The following NOL4 variants were observed in gnomAD, a reference collection of about 807,000 sequenced individuals.
The protein encoded by NOL4 is cancer/testis antigen 125.
A neutral mutation model predicts 75.9 loss-of-function variants in NOL4; 17 were observed. The ratio of observed to expected loss-of-function variants is 0.22; its 90% CI spans 0.15 to 0.34. The LOEUF is 0.34. Ranked by LOEUF, NOL4 falls within the 10% of genes least tolerant of loss-of-function variation. The probability of loss-of-function intolerance (pLI) is 1.00; values close to 1 mark genes in which losing one functional copy is unlikely to be tolerated. For missense variants in NOL4, 614 were observed against 793.5 expected, an observed-to-expected ratio of 0.77 and a Z score of 2.72; for synonymous variants, 292 against 289.9, an observed-to-expected ratio of 1.01 and a Z score of -0.07.
intron 1 of NOL4, among the ~76,000 whole-genome samples, chr18:34,192,766 T>G (rs2035015952): frequency 6.6e-6 from 1 of 152,030 alleles, no homozygotes; most frequent in Admixed American, 6.6e-5. Flanking sequence ...TGTTGAGAGG[T>G]GGGGCTTTTC....
Position 34,187,043 on chromosome 18 carries a change from C to T in NOL4, c.264+35947G>A, listed in dbSNP as rs537953001. Among the ~76,000 whole-genome samples the T allele has an allele frequency of 5.8e-4, 88 of 152,190 alleles. 1 individual carries two copies. The highest frequency in any genetic ancestry group is 6.8e-3 in the Middle Eastern group (2 of 294). Reference sequence around the variant, plus strand: ...AATCTACCTTGGCAATCATTATCACCCAGAGTGGACTTATAGTTTACATTA... The same window carrying T: ...AATCTACCTTGGCAATCATTATCACTCAGAGTGGACTTATAGTTTACATTA... On this transcript the variant is annotated intron_variant, in intron 1 of 10. Coordinates refer to ENST00000261592, the MANE Select transcript of NOL4 (RefSeq NM_003787.5).
intron 9 of NOL4, among the ~76,000 whole-genome samples, chr18:33,902,874 C>T (rs1297782213): frequency 1.3e-5 from 2 of 152,090 alleles, no homozygotes; most frequent in Non-Finnish European, 2.9e-5. Context: ...ATTTAAAAGG[C>T]TTAAAATTTC....
chr18:34,185,182 T>C (rs1329560859), intron 1 of NOL4, among the ~76,000 whole-genome samples: 1 of 152,174 alleles, frequency 6.6e-6, no homozygotes, highest in African/African-American at 2.4e-5. Flanking sequence ...CTGAAAACTG[T>C]CAATTGTGAA....
chr18:33,959,470 C>A (rs2145752016), intron 6 of NOL4, among the ~76,000 whole-genome samples: 1 of 152,134 alleles, frequency 6.6e-6, no homozygotes, highest in East Asian at 1.9e-4. Context: ...CTTGAATCAG[C>A]CATGTACAGC....
intron 1 of NOL4, among the ~76,000 whole-genome samples, chr18:34,206,713 A>T (rs1399669902): frequency 6.6e-6 from 1 of 151,946 alleles, no homozygotes; most frequent in Non-Finnish European, 1.5e-5. Flanking sequence ...TTTTTCTTTG[A>T]GTTTATCTTG....
intron 6 of NOL4, among the ~76,000 whole-genome samples, chr18:33,998,268 T>C (rs542769421): frequency 2.0e-5 from 3 of 152,144 alleles, no homozygotes; most frequent in African/African-American, 7.2e-5. Flanking sequence ...GTGAATTGCA[T>C]GGTATATGAA....
intron 2 of NOL4, among the ~76,000 whole-genome samples, chr18:34,126,266 T>C (rs117623970): frequency 0.026 from 3,924 of 152,234 alleles, 58 homozygotes; most frequent in African/African-American, 0.032. Context: ...GTAAATAATT[T>C]GCCAAAAGTG....
chr18:33,985,159 A>T (rs924285572), intron 6 of NOL4, among the ~76,000 whole-genome samples: 1 of 152,174 alleles, frequency 6.6e-6, no homozygotes, highest in Non-Finnish European at 1.5e-5. Context: ...AATGAGTAAC[A>T]TTAACTATTT....
chr18:33,999,846 G>A (rs755824183), intron 6 of NOL4, among the ~76,000 whole-genome samples: 1 of 152,012 alleles, frequency 6.6e-6, no homozygotes, highest in Non-Finnish European at 1.5e-5. Flanking sequence ...TAGAGATGGG[G>A]TTTCACCATG....
At chr18:33,882,655 T>C (rs935677327) in intron 10 of NOL4, among the ~76,000 whole-genome samples, 7 of 151,032 alleles carry the variant, frequency 4.6e-5, no homozygotes, top group African/African-American at 1.7e-4. Context: ...TGGCGATTCC[T>C]CAGGGATCTA....
chr18:34,189,273 T>C (rs781159071), intron 1 of NOL4, among the ~76,000 whole-genome samples: 8 of 152,238 alleles, frequency 5.3e-5, no homozygotes, highest in Middle Eastern at 3.4e-3. Flanking sequence ...CCTGATCTCA[T>C]AGAAACTCTT....
intron 1 of NOL4, among the ~76,000 whole-genome samples, chr18:34,216,678 G>A (rs1266859921): frequency 6.7e-6 from 1 of 150,024 alleles, no homozygotes; most frequent in Non-Finnish European, 1.5e-5. Flanking sequence ...ATGTAAACCA[G>A]GATCTAAGAA....
At chr18:34,083,087 G>GCTCT (rs5823936) in intron 5 of NOL4, among the ~76,000 whole-genome samples, 45,640 of 151,352 alleles carry the variant, frequency 0.3, 7,889 homozygotes, top group East Asian at 0.44. Context: ...GCTAAATTTT[G>GCTCT]CTCTCTCTCT....
chr18:33,908,757 T>C (rs976828369), intron 9 of NOL4, among the ~76,000 whole-genome samples: 3 of 152,162 alleles, frequency 2.0e-5, no homozygotes, highest in Non-Finnish European at 4.4e-5. Context: ...GGAACACGCA[T>C]AGATAACATG....
At chr18:34,131,979 A>G (rs890826858) in intron 1 of NOL4, among the ~76,000 whole-genome samples, 1 of 152,194 alleles carries the variant, frequency 6.6e-6, no homozygotes, top group African/African-American at 2.4e-5. Flanking sequence ...CAAAAAGAGT[A>G]CTTTATTTTC....
chr18:33,926,251 T>C (rs1007612574), intron 9 of NOL4, among the ~76,000 whole-genome samples: 34 of 150,394 alleles, frequency 2.3e-4, no homozygotes, highest in African/African-American at 7.3e-4. Context: ...TCCCAGCTAC[T>C]TGGGAGGCTG....
In NOL4 at chr18:33,868,649, TCACACACACACACACA is replaced by T. The variant is rs10669407; in HGVS notation, c.1723+14579_1723+14594del. On this transcript the variant is annotated intron_variant, in intron 10 of 10. Transcript: ENST00000261592. ...ATGAAATATTTTAAATTCCTGTATT[TCACACACACACACACA>T]CACACACACACACACACACACACAC... Among the ~76,000 whole-genome samples the T allele has an allele frequency of 1.3e-4, 18 of 137,960 alleles. No individual in the cohort carries two copies. In the South Asian group the frequency reaches 2.5e-3, roughly 19 times the overall value. 90.5% of individuals were successfully genotyped at this position (137,960 alleles called of 152,430 possible).
At chr18:33,884,014 G>A (rs1018228376) in intron 9 of NOL4, among the ~76,000 whole-genome samples, 1 of 152,080 alleles carries the variant, frequency 6.6e-6, no homozygotes, top group African/African-American at 2.4e-5. Context: ...GTGGAGGTGG[G>A]TTGGTTCTGA....
At chr18:34,017,880 C>T (rs1600264979) in intron 6 of NOL4, among the ~76,000 whole-genome samples, 4 of 152,220 alleles carry the variant, frequency 2.6e-5, no homozygotes, top group South Asian at 4.1e-4. Flanking sequence ...ATCTTCTTCT[C>T]TTCTAGGCTC....
Sources: gnomAD v4.1 joint callset for allele counts (sites outside exome capture counted in the v4.1 genomes callset) on GRCh38, gnomAD v4.1.1 for gene constraint, MANE v1.5 for transcripts, NCBI Gene and HGNC (gene_info 2026-07-23, HGNC 2026-07-21) for gene names.